ZBTB49: variants seen among roughly 807,000 people sequenced by gnomAD.
ZBTB49 encodes the protein zinc finger and BTB domain containing 49, also known as zinc finger and BTB domain-containing protein 49.
Under a neutral mutation model 57.5 loss-of-function variants are expected in ZBTB49, and 43 were observed. The observed-to-expected ratio is 0.75, with a 90% confidence interval of 0.59 to 0.97. The LOEUF (loss-of-function observed/expected upper bound fraction) is 0.97, where lower values mean the gene tolerates loss of function less well. ZBTB49 is among the 50% of genes least tolerant of loss of function. ZBTB49 has a pLI of 0.00. For synonymous variants in ZBTB49, 369 were observed against 362.1 expected, an observed-to-expected ratio of 1.02 and a Z score of -0.22; for missense variants, 938 against 947.7, an observed-to-expected ratio of 0.99 and a Z score of 0.13.
At chr4:4,296,271 A>C (rs1405618484) in intron 1 of ZBTB49, among the ~76,000 whole-genome samples, 3 of 151,980 alleles carry the variant, frequency 2.0e-5, no homozygotes, top group Non-Finnish European at 4.4e-5. Flanking sequence ...GTTTCAGTGG[A>C]GTGAGTGGCA....
rs776721474 is a variant in ZBTB49 at position 4,302,380 on chromosome 4, A to G, written c.544A>G (p.Asn182Asp). ...ESHPHASPSV[N>D]RHHSAGEISK... ...GCATCCGCATGCTTCACCATCAGTTAATCGTCATCACTCCGCAGGTGAAAT... is the reference window on the plus strand; with the variant it reads ...GCATCCGCATGCTTCACCATCAGTTGATCGTCATCACTCCGCAGGTGAAAT... The change falls in exon 3 of 8, where the codon AAT becomes GAT. Residue 182 changes from asparagine to aspartate, a missense_variant. Physicochemically the swap from Asn to Asp is conservative, Grantham distance 23 (BLOSUM62 1). Coordinates refer to ENST00000337872, the MANE Select transcript of ZBTB49 (RefSeq NM_145291.4). 1.2e-6 allele frequency: 2 copies of G among 1,614,262 alleles called. No homozygotes were observed. Among genetic ancestry groups the G allele is most frequent in the East Asian group, 2.2e-5 (1 of 44,894 alleles).
intron 7 of ZBTB49, among the ~76,000 whole-genome samples, 188 bp downstream of exon 7, chr4:4,316,158 A>G (rs1440018961): frequency 6.6e-6 from 1 of 152,114 alleles, no homozygotes; most frequent in Non-Finnish European, 1.5e-5. Flanking sequence ...TCTTTGAGGT[A>G]TTAGGAACTG....
Position 4,320,656 on chromosome 4 carries a change from A to T in ZBTB49, c.1638A>T (p.Gly546=). The change falls in exon 8 of 8, where the codon GGA becomes GGT. Residue 546 remains glycine, a synonymous_variant. Coordinates refer to ENST00000337872, the MANE Select transcript of ZBTB49 (RefSeq NM_145291.4). The stretch of plus-strand genomic sequence containing the variant: ...TTTTTCCAGGGAAATGTTTTGGGGG[A>T]TCAGGTGACCTCCGCAGGCATGTCC... ...SCSACGKCFG[G]SGDLRRHVRT... is the part of the protein sequence containing the mutation. 1 of 1,613,932 alleles carries T rather than the reference A, an allele frequency of 6.2e-7. No individual in the cohort carries two copies. The highest frequency in any genetic ancestry group is 8.5e-7 in the Non-Finnish European group (1 of 1,179,964).
chr4:4,305,114 TGTA>T (rs1402690342), intron 3 of ZBTB49, among the ~76,000 whole-genome samples: 1 of 151,532 alleles, frequency 6.6e-6, no homozygotes, highest in Non-Finnish European at 1.5e-5. Flanking sequence ...CAGACATAAA[TGTA>T]GTTTCATTTA....
intron 1 of ZBTB49, among the ~76,000 whole-genome samples, chr4:4,292,455 C>G (rs1430814910): frequency 6.6e-6 from 1 of 152,158 alleles, no homozygotes; most frequent in African/African-American, 2.4e-5. Context: ...AACTGAGACA[C>G]AGAGCCTGTG....
At chr4:4,312,946 C>A in intron 4 of ZBTB49, 95 bp from the exon 5 acceptor site, 1 of 1,326,904 alleles carries the variant, frequency 7.5e-7, no homozygotes. Flanking sequence ...GAATTGGAAC[C>A]TGGCTAAATG....
At chr4:4,294,147 G>A (rs1294030606) in intron 1 of ZBTB49, among the ~76,000 whole-genome samples, 1 of 152,058 alleles carries the variant, frequency 6.6e-6, no homozygotes, top group African/African-American at 2.4e-5. Context: ...ACTATTATTA[G>A]GTATAAGATA....
chr4:4,294,581 G>C (rs1011076290), intron 1 of ZBTB49, among the ~76,000 whole-genome samples: 1 of 152,166 alleles, frequency 6.6e-6, no homozygotes, highest in South Asian at 2.1e-4. Context: ...TCTCGAACTC[G>C]TAGCCTTAGG....
chr4:4,302,197 A>T lies in ZBTB49; in HGVS notation c.361A>T (p.Thr121Ser). ...GTGTCACACATTTTTAAAATCAGCC[A>T]CTGTAGTACAGCCACCTGGCATGCC... Reference protein sequence around the residue: ...SLCHTFLKSATVVQPPGMPCN... With the variant: ...SLCHTFLKSASVVQPPGMPCN... Residue 121 changes from threonine to serine, a missense_variant, in exon 3 of 8, where the codon ACT becomes TCT. Physicochemically the swap from Thr to Ser is moderately conservative, Grantham distance 58. Around this residue, in one of 3 missense-constraint regions of ZBTB49, gnomAD observed 835 missense variants for 819.1 expected, o/e 1.02. Transcript: ENST00000337872. The T allele has an allele frequency of 6.2e-7, 1 of 1,614,244 alleles. No homozygotes were observed. The highest frequency in any genetic ancestry group is 8.5e-7 in the Non-Finnish European group (1 of 1,180,040).
chr4:4,303,186 TTGTTTGA>T, intron 3 of ZBTB49, 95 bp downstream of exon 3: 1 of 1,377,516 alleles, frequency 7.3e-7, no homozygotes, highest in Non-Finnish European at 9.6e-7. Context: ...AGTTTTGCTG[TTGTTTGA>T]TGTCATTGAT....
chr4:4,312,466 A>C (rs886584497), intron 4 of ZBTB49, among the ~76,000 whole-genome samples: 1 of 152,214 alleles, frequency 6.6e-6, no homozygotes, highest in Non-Finnish European at 1.5e-5. Flanking sequence ...ATGGCCCTGC[A>C]CCTGAGAGGC....
At position 4,313,558 on chromosome 4, in the gene ZBTB49, C is replaced by T. The variant is rs1442232263; in HGVS notation, c.1376+444C>T. 2.6e-5 allele frequency among the ~76,000 whole-genome samples: 4 copies of T among 152,138 alleles called. No homozygotes were observed. In the South Asian group the frequency reaches 8.3e-4, roughly 32 times the overall value. ...GTGGGTCTGTAACAGCCTGTGAGAG[C>T]TCCACCCCAGGGAGGAGGAAACTAA... On this transcript the variant is annotated intron_variant, in intron 5 of 7. Coordinates refer to ENST00000337872, the MANE Select transcript of ZBTB49 (RefSeq NM_145291.4).
intron 7 of ZBTB49, among the ~76,000 whole-genome samples, chr4:4,317,141 A>G (rs1721224022): frequency 6.6e-6 from 1 of 152,154 alleles, no homozygotes; most frequent in South Asian, 2.1e-4. Flanking sequence ...CCCAGCTAGG[A>G]CTTGCTGCTG....
intron 7 of ZBTB49, among the ~76,000 whole-genome samples, chr4:4,318,981 C>G (rs1239658402): frequency 6.7e-6 from 1 of 149,256 alleles, no homozygotes; most frequent in Non-Finnish European, 1.5e-5. Flanking sequence ...GCCTCGACCT[C>G]CTGGACACAG....
At chr4:4,315,524 C>T in intron 5 of ZBTB49, 112 bp from the exon 6 acceptor site, 1 of 1,023,368 alleles carries the variant, frequency 9.8e-7, no homozygotes. Context: ...AGTTCACGTT[C>T]CTTTCTGCAG....
chr4:4,303,093 T>C lies in ZBTB49; in HGVS notation c.1255+2T>C, dbSNP rs1389632997. 6.3e-7 allele frequency: 1 copy of C among 1,589,140 alleles called. No individual in the cohort carries two copies. The stretch of plus-strand genomic sequence containing the variant: ...AGCTTCACAAACGGTCTCATACAGG[T>C]AACTGATTCAGTACCCACAGGCAGA... On this transcript the variant is annotated splice_donor_variant, in intron 3 of 7. Transcript: ENST00000337872. LOFTEE classifies it high-confidence loss of function.
chr4:4,313,969 CT>C (rs1721083162), intron 5 of ZBTB49, among the ~76,000 whole-genome samples: 1 of 152,232 alleles, frequency 6.6e-6, no homozygotes, highest in South Asian at 2.1e-4. Flanking sequence ...GAGTCTCTGC[CT>C]GTCACAGATT....
intron 4 of ZBTB49, among the ~76,000 whole-genome samples, chr4:4,310,740 C>T (rs918744854): frequency 1.7e-4 from 26 of 150,342 alleles, no homozygotes; most frequent in African/African-American, 4.9e-5. Context: ...AGGATGGTCT[C>T]GATCTCCTGA....
intron 2 of ZBTB49, among the ~76,000 whole-genome samples, chr4:4,300,730 G>T (rs559162126): frequency 1.3e-5 from 2 of 151,494 alleles, no homozygotes; most frequent in African/African-American, 4.8e-5. Context: ...GCAGTGAGCC[G>T]TGGTCATGCC....
Sources: allele counts gnomAD v4.1 joint callset (sites outside exome capture counted in the v4.1 genomes callset), GRCh38; gene constraint gnomAD v4.1.1; regional missense constraint gnomAD v4.1.1; transcripts MANE v1.5; gene names NCBI Gene and HGNC (gene_info 2026-07-23, HGNC 2026-07-21).